HSP90AA1: variants seen among roughly 807,000 people sequenced by gnomAD.
HSP90AA1 encodes the protein heat shock protein HSP 90-alpha.
HSP90AA1 carries 18 observed loss-of-function variants against 73.3 expected under a neutral mutation model. The observed-to-expected ratio is 0.25, with a 90% CI of 0.17 to 0.36. The LOEUF (loss-of-function observed/expected upper bound fraction) is 0.36, where lower values mean the gene tolerates loss of function less well. Among genes scored for constraint, HSP90AA1 ranks in the 10% least tolerant of loss-of-function variants. The pLI, the probability that HSP90AA1 is intolerant of heterozygous loss-of-function variation, is 1.00. For missense variants in HSP90AA1, 704 were observed against 874.2 expected (o/e 0.81, Z 2.45); for synonymous variants, 477 against 296.9 (o/e 1.61, Z -6.24).
intron 9 of HSP90AA1, chr14:102,082,655 C>T (rs1220543002): frequency 1.0e-5 from 6 of 581,570 alleles, no homozygotes; most frequent in Non-Finnish European, 1.5e-5. Flanking sequence ...GAGTCTCGCT[C>T]CATCACCCAG....
In HSP90AA1 at chr14:102,086,869, G is replaced by A. The variant is rs1245419133; in HGVS notation, c.-1+117C>T. 4 of 524,874 alleles carry A rather than the reference G, an allele frequency of 7.6e-6. No individual in the cohort carries two copies. The East Asian group carries it at 4.5e-4, about 59-fold the overall frequency. 32.5% of individuals were successfully genotyped at this position (524,874 alleles called of 1,614,324 possible). A position where few individuals can be genotyped will look rare whatever the true frequency, so the allele number is the denominator to read the frequency against. ...GAATAGAAAGCGCGGCCGCCCGGGA[G>A]CGCGGCCCTGGCTGCTTCAGGGATC... On this transcript the variant is annotated intron_variant, in intron 1 of 10. Transcript: ENST00000216281.
chr14:102,137,045 C>T (rs908200151), intron 1 of HSP90AA1, among the ~76,000 whole-genome samples: 1 of 151,994 alleles, frequency 6.6e-6, no homozygotes, highest in Non-Finnish European at 1.5e-5. Context: ...GAAACCCCGT[C>T]TCTACTAAAA....
chr14:102,136,887 TAA>T (rs982881540), intron 1 of HSP90AA1, among the ~76,000 whole-genome samples: 6 of 126,504 alleles, frequency 4.7e-5, no homozygotes, highest in African/African-American at 3.0e-5. Context: ...AGACTTCTCT[TAA>T]AAAAAAAAAA....
chr14:102,085,017 A>G lies in HSP90AA1; in HGVS notation c.664-19T>C. 6.2e-7 allele frequency: 1 copy of G among 1,613,964 alleles called. No homozygotes were observed. The highest frequency in any genetic ancestry group is 8.5e-7 in the Non-Finnish European group (1 of 1,179,920). On this transcript the variant is annotated intron_variant, in intron 4 of 10. Coordinates refer to ENST00000216281, the MANE Select transcript of HSP90AA1 (RefSeq NM_005348.4). ...TCTCCACCTTCAAAAGAAAACACGA[A>G]ATCACATCACTGCTGCACTCCAGAA...
chr14:102,085,161 T>A, intron 4 of HSP90AA1, 137 bp downstream of exon 4: 1 of 1,440,186 alleles, frequency 6.9e-7, no homozygotes, highest in Non-Finnish European at 9.7e-7. Context: ...CCCGAGGAAC[T>A]TTTACAGAGT....
intron 1 of HSP90AA1, among the ~76,000 whole-genome samples, chr14:102,130,676 T>A (rs1309363941): frequency 1.3e-5 from 2 of 152,122 alleles, no homozygotes; most frequent in African/African-American, 4.8e-5. Flanking sequence ...GGTGTGATCA[T>A]AGCTCCAGTT....
rs576719266 is a variant in HSP90AA1 at position 102,125,512 on chromosome 14, A to C, written c.155+13738T>G. ...AGAATGAGCTGGGACTAAGGAAGTG[A>C]GTGAACAATGGGCATGCTAAGTAGA... is the stretch of plus-strand genomic sequence containing the variant. On this transcript the variant is annotated intron_variant, in intron 1 of 11. Coordinates refer to the HSP90AA1 transcript ENST00000334701. Among the ~76,000 whole-genome samples the C allele has an allele frequency of 2.6e-5, 4 of 152,344 alleles. No homozygotes were observed. The East Asian group carries it at 7.7e-4, about 29-fold the overall frequency.
upstream of HSP90AA1, chr14:102,139,744 G>A: frequency 2.2e-6 from 2 of 918,792 alleles, no homozygotes; most frequent in South Asian, 3.4e-5. Flanking sequence ...GCACGCCTGC[G>A]CAGTCGGGCC....
chr14:102,105,288 C>T (rs1010201403), intron 1 of HSP90AA1, among the ~76,000 whole-genome samples: 2 of 151,338 alleles, frequency 1.3e-5, no homozygotes, highest in Non-Finnish European at 2.9e-5. Flanking sequence ...TTTGCTAGGG[C>T]TGGGGATTCA....
At chr14:102,090,012 A>G (rs188322298), upstream of HSP90AA1, among the ~76,000 whole-genome samples, 4 of 152,150 alleles carry the variant, frequency 2.6e-5, no homozygotes, top group Admixed American at 2.0e-4. Context: ...CCCTCTGCAA[A>G]TTCTAGCTGA....
upstream of HSP90AA1, among the ~76,000 whole-genome samples, chr14:102,087,846 T>G (rs2049283955): frequency 6.6e-6 from 1 of 152,104 alleles, no homozygotes; most frequent in South Asian, 2.1e-4. Context: ...CCCGGCATGA[T>G]TTTGAAAAGC....
At chr14:102,128,822 G>A (rs573727933) in intron 1 of HSP90AA1, among the ~76,000 whole-genome samples, 9 of 149,630 alleles carry the variant, frequency 6.0e-5, no homozygotes, top group South Asian at 2.1e-4. Context: ...AAGAAAAGAA[G>A]AGAAGAGGTA....
At chr14:102,132,517 C>T (rs975044913) in intron 1 of HSP90AA1, among the ~76,000 whole-genome samples, 5 of 151,836 alleles carry the variant, frequency 3.3e-5, no homozygotes, top group Non-Finnish European at 5.9e-5. Context: ...ACTGTACTTC[C>T]AGACCAGGCA....
At chr14:102,102,803 A>AG (rs1178646980) in intron 1 of HSP90AA1, among the ~76,000 whole-genome samples, 1 of 152,166 alleles carries the variant, frequency 6.6e-6, no homozygotes, top group Non-Finnish European at 1.5e-5. Flanking sequence ...TTGGAGGCCA[A>AG]GGGGAGTGCA....
intron 1 of HSP90AA1, among the ~76,000 whole-genome samples, chr14:102,129,072 A>AT (rs1462238744): frequency 6.6e-6 from 1 of 151,906 alleles, no homozygotes; most frequent in African/African-American, 2.4e-5. Context: ...TTATGCCTGG[A>AT]TAATTTAGCA....
At chr14:102,131,576 G>T (rs941655028) in intron 1 of HSP90AA1, among the ~76,000 whole-genome samples, 1 of 152,120 alleles carries the variant, frequency 6.6e-6, no homozygotes, top group Non-Finnish European at 1.5e-5. Flanking sequence ...GCACACTTCC[G>T]CCTCGGGGTC....
At chr14:102,089,491 T>C (rs952787049), upstream of HSP90AA1, among the ~76,000 whole-genome samples, 5 of 152,230 alleles carry the variant, frequency 3.3e-5, no homozygotes, top group Non-Finnish European at 7.3e-5. Context: ...GTTTCTACCA[T>C]CAACACGCCA....
Position 102,085,840 on chromosome 14 carries a change from A to G in HSP90AA1, c.447T>C (p.Thr149=). The part of the protein sequence containing the change: ...YSAYLVAEKV[T]VITKHNDDEQ... The stretch of plus-strand genomic sequence containing the variant: ...CATCATCGTTATGTTTGGTGATCAC[A>G]GTTACTTTCTCAGCAACCAAATAAG... The change falls in exon 3 of 11, where the codon ACT becomes ACC. Residue 149 remains threonine, a synonymous_variant. Coordinates refer to ENST00000216281, the MANE Select transcript of HSP90AA1 (RefSeq NM_005348.4). 1 of 1,613,970 alleles carries G rather than the reference A, an allele frequency of 6.2e-7. No homozygotes were observed. The highest frequency in any genetic ancestry group is 8.5e-7 in the Non-Finnish European group (1 of 1,179,854).
Position 102,082,456 on chromosome 14 carries a change from A to G in HSP90AA1, c.1756-12T>C, listed in dbSNP as rs1309489584. On this transcript the variant is annotated splice_polypyrimidine_tract_variant and intron_variant, in intron 9 of 10. Coordinates refer to ENST00000216281, the MANE Select transcript of HSP90AA1 (RefSeq NM_005348.4). Reference sequence around the variant, plus strand: ...TTTGACACAACCACCTGTAATCAAAAAGTGATGACTAGGAACCTAGAAAGA... The same window carrying G: ...TTTGACACAACCACCTGTAATCAAAGAGTGATGACTAGGAACCTAGAAAGA... 4 of 1,597,446 alleles carry G rather than the reference A, an allele frequency of 2.5e-6. No homozygotes were observed. Among genetic ancestry groups the G allele is most frequent in the Non-Finnish European group, 3.4e-6 (4 of 1,169,044 alleles).
Sources: allele counts gnomAD v4.1 joint callset (sites outside exome capture counted in the v4.1 genomes callset), GRCh38; gene constraint gnomAD v4.1.1; transcripts MANE v1.5; gene names NCBI Gene and HGNC (gene_info 2026-07-23, HGNC 2026-07-21).